Variants in KIF26A observed in about 807,000 individuals in gnomAD.
KIF26A encodes the protein kinesin family member 26A.
A neutral mutation model predicts 126.0 loss-of-function variants in KIF26A; 74 were observed. That is an observed-to-expected ratio of 0.59 (90% CI 0.49 to 0.71). The LOEUF (loss-of-function observed/expected upper bound fraction) is 0.71. KIF26A is among the 30% of genes least tolerant of loss of function. KIF26A has a pLI of 0.00. For missense variants in KIF26A, 2,984 were observed against 2,763.3 expected (o/e 1.08, Z -1.79); for synonymous variants, 1,445 against 1,232.7 (o/e 1.17, Z -3.61).
chr14:104,141,040 A>ATCCTGGGGCCTTACGGGTGTCATTG (rs2037632954), intron 2 of KIF26A, among the ~76,000 whole-genome samples: 1 of 152,156 alleles, frequency 6.6e-6, no homozygotes, highest in African/African-American at 2.4e-5. Flanking sequence ...TGCACCTGCC[A>ATCCTGGGGCCTTACGGGTGTCATTG]TCCTGGGGCC....
chr14:104,178,406 G>T (rs2038059884), intron 12 of KIF26A, 144 bp from the exon 13 acceptor site: 10 of 619,032 alleles, frequency 1.6e-5, no homozygotes, highest in Non-Finnish European at 2.6e-5. Context: ...CCTGCCCTGG[G>T]CAGAGCGCCA....
At chr14:104,154,802 C>T (rs896416079) in intron 3 of KIF26A, among the ~76,000 whole-genome samples, 5 of 152,196 alleles carry the variant, frequency 3.3e-5, no homozygotes, top group Non-Finnish European at 7.4e-5. Flanking sequence ...CACAGAGGGG[C>T]GGCCCGGTGG....
Position 104,177,195 on chromosome 14 carries a change from C to T in KIF26A, c.4407C>T (p.Pro1469=), listed in dbSNP as rs756949961. 3 of 1,596,170 alleles carry T rather than the reference C, an allele frequency of 1.9e-6. No individual in the cohort carries two copies. Among genetic ancestry groups the T allele is most frequent in the South Asian group, 2.2e-5 (2 of 90,580 alleles). ...CTGTACCCAAGCTGGGTGTGCCACCCTCCAGCCCCACACACGGTCCAGCTC... is the reference window on the plus strand; with the variant it reads ...CTGTACCCAAGCTGGGTGTGCCACCTTCCAGCCCCACACACGGTCCAGCTC... ...PRAVPKLGVP[P]SSPTHGPAPA... is the part of the protein sequence containing the mutation. The change falls in exon 12 of 15, where the codon CCC becomes CCT. Residue 1469 remains proline, a synonymous_variant. Transcript: ENST00000423312.
In KIF26A at chr14:104,157,807, C is replaced by T. The variant is rs1309227223; in HGVS notation, c.788C>T (p.Pro263Leu). 1 of 1,609,972 alleles carries T rather than the reference C, an allele frequency of 6.2e-7. No individual in the cohort carries two copies. The part of the protein sequence containing the change: ...VAVADTVREC[P>L]PVAGPDGLSK... The stretch of plus-strand genomic sequence containing the variant: ...GTGGCAGACACGGTCCGAGAATGCC[C>T]CCCCGTGGCCGGCCCTGATGGCTTG... The change falls in exon 4 of 15, where the codon CCC (proline) becomes CTC (leucine). Residue 263 changes from proline to leucine, a missense_variant. Coordinates refer to ENST00000423312, the MANE Select transcript of KIF26A (RefSeq NM_015656.2).
rs889207201 is a variant in KIF26A at position 104,173,718 on chromosome 14, G to A, written c.1880G>A (p.Arg627His). The A allele has an allele frequency of 1.2e-5, 19 of 1,610,570 alleles. No homozygotes were observed. Among genetic ancestry groups the A allele is most frequent in the South Asian group, 5.5e-5 (5 of 90,932 alleles). The stretch of plus-strand genomic sequence containing the variant: ...CTTGTGGTTCCAGTGTCCGGAGGCC[G>A]CAGCCGCCTGCACCTCATCGACCTG... ...KCGRGGMSGG[R>H]SRLHLIDLGS... The change falls in exon 10 of 15, where the codon CGC (arginine) becomes CAC (histidine). Residue 627 changes from arginine to histidine, a missense_variant. Coordinates refer to ENST00000423312, the MANE Select transcript of KIF26A (RefSeq NM_015656.2).
intron 3 of KIF26A, among the ~76,000 whole-genome samples, chr14:104,154,521 C>T (rs1440762143): frequency 2.6e-5 from 4 of 152,186 alleles, no homozygotes; most frequent in African/African-American, 4.8e-5. Flanking sequence ...CGGTTCTTCC[C>T]GGACTGTTGG....
In KIF26A at chr14:104,175,025, G is replaced by C. The variant is rs2038001060; in HGVS notation, c.2237G>C (p.Gly746Ala). ...SSGGESSCEE[G>A]RARRPPHLRP... ...GGCGGGGAGAGCTCCTGTGAGGAAG[G>C]CCGGGCCCGTCGGCCCCCGCACCTG... The change falls in exon 12 of 15, where the codon GGC (glycine) becomes GCC (alanine). Residue 746 changes from glycine to alanine, a missense_variant. Transcript: ENST00000423312. 1 of 1,559,042 alleles carries C rather than the reference G, an allele frequency of 6.4e-7. No homozygotes were observed. The highest frequency in any genetic ancestry group is 1.2e-5 in the South Asian group (1 of 85,624).
At position 104,175,212 on chromosome 14, in the gene KIF26A, C is replaced by T. The variant is rs367843200; in HGVS notation, c.2424C>T (p.Asn808=). ...AALSDRELTD[N]EGPPDFVPII... Reference sequence around the variant, plus strand: ...TGTCAGACCGGGAGCTCACCGACAACGAAGGTCCGCCTGACTTCGTGCCCA... The same window carrying T: ...TGTCAGACCGGGAGCTCACCGACAATGAAGGTCCGCCTGACTTCGTGCCCA... Residue 808 remains asparagine (N), a synonymous_variant, in exon 12 of 15, where the codon AAC becomes AAT. Transcript: ENST00000423312. 144 of 1,609,730 alleles carry T rather than the reference C, an allele frequency of 8.9e-5. No homozygotes were observed. The highest frequency in any genetic ancestry group is 1.1e-4 in the African/African-American group (8 of 74,918).
rs772059083 is a variant in KIF26A, at chr14:104,172,604, C to T, written c.1356C>T (p.Asp452=). 4.3e-6 allele frequency: 7 copies of T among 1,613,032 alleles called. No individual in the cohort carries two copies. Among genetic ancestry groups the T allele is most frequent in the Admixed American group, 3.3e-5 (2 of 59,992 alleles). ...QAEVCSGTVA[D]VLQSVVSGAD... ...AAGTCTGCTCGGGGACCGTGGCCGA[C>T]GTGCTCCAGTCGGTGGTCAGTGGGG... Residue 452 remains aspartate, a synonymous_variant, in exon 7 of 15, where the codon GAC becomes GAT. Transcript: ENST00000423312.
chr14:104,141,597 G>C (rs1327957582), intron 2 of KIF26A, among the ~76,000 whole-genome samples: 6 of 151,424 alleles, frequency 4.0e-5, no homozygotes, highest in African/African-American at 1.5e-4. Flanking sequence ...AGAGGGTCGG[G>C]GCCCAGCCTG....
Position 104,175,710 on chromosome 14 carries a change from T to G in KIF26A, c.2922T>G (p.Asp974Glu), listed in dbSNP as rs1310684686. The part of the protein sequence containing the change: ...APEEPGGGGT[D>E]GVARTPPVGM... ...AAGAGCCTGGGGGAGGGGGCACTGATGGAGTGGCACGGACCCCTCCCGTGG... is the reference window on the plus strand; with the variant it reads ...AAGAGCCTGGGGGAGGGGGCACTGAGGGAGTGGCACGGACCCCTCCCGTGG... Residue 974 changes from aspartate (D) to glutamate (E), a missense_variant, in exon 12 of 15, where the codon GAT becomes GAG. Transcript: ENST00000423312. The G allele has an allele frequency of 6.3e-7, 1 of 1,593,234 alleles. No individual in the cohort carries two copies.
rs202037380 is a variant in KIF26A, at chr14:104,166,913, G to T, written c.978G>T (p.Pro326=). ...ASKRKKPHPP[P]PPATRGTSTY... ...AGAGGAAGAAGCCCCACCCGCCACC[G>T]CCTCCAGCCACCCGCGGCACCTCCA... Residue 326 remains proline (P), a synonymous_variant, in exon 5 of 15, where the codon CCG becomes CCT. Coordinates refer to ENST00000423312, the MANE Select transcript of KIF26A (RefSeq NM_015656.2). 1.3e-6 allele frequency: 2 copies of T among 1,593,088 alleles called. No homozygotes were observed. The highest frequency in any genetic ancestry group is 1.1e-5 in the South Asian group (1 of 87,618).
intron 3 of KIF26A, among the ~76,000 whole-genome samples, chr14:104,155,416 C>T (rs533194640): frequency 1.4e-4 from 21 of 152,300 alleles, no homozygotes; most frequent in South Asian, 1.2e-3. Flanking sequence ...GGGTGGGTCC[C>T]GTGCGGCTAT....
rs1049667944 is a variant in KIF26A at position 104,148,455 on chromosome 14, T to G, written c.289-3560T>G. Among the ~76,000 whole-genome samples, 3 of 152,160 alleles carry G rather than the reference T, an allele frequency of 2.0e-5. No homozygotes were observed. The highest frequency in any genetic ancestry group is 4.4e-5 in the Non-Finnish European group (3 of 68,044). On this transcript the variant is annotated intron_variant, in intron 2 of 14. Transcript: ENST00000423312. This position sits in a 1 kb window ranked among gnomAD's most constrained non-coding sequence, Gnocchi z 4.3. ...AGGCCTGGGTGACAGGCGGGCCTGC[T>G]GGCTGGGGCTTTGAGGAGTTCAGAT...
chr14:104,172,239 G>T (rs1224461951), intron 6 of KIF26A, among the ~76,000 whole-genome samples: 1 of 152,238 alleles, frequency 6.6e-6, no homozygotes, highest in African/African-American at 2.4e-5. Flanking sequence ...GGGGGCGCCC[G>T]GTGCTCCCTG....
intron 2 of KIF26A, among the ~76,000 whole-genome samples, chr14:104,149,244 C>G (rs1248706142): frequency 6.6e-6 from 1 of 152,200 alleles, no homozygotes; most frequent in African/African-American, 2.4e-5. Context: ...CAGTGCCCCC[C>G]ATGGAGCCTG....
intron 2 of KIF26A, among the ~76,000 whole-genome samples, chr14:104,140,566 C>T (rs2037628356): frequency 1.3e-5 from 2 of 152,182 alleles, no homozygotes; most frequent in South Asian, 4.1e-4. Flanking sequence ...TGCTGCCTGG[C>T]CCTGGGGCCA....
intron 3 of KIF26A, among the ~76,000 whole-genome samples, chr14:104,155,425 A>G (rs2036728904): frequency 6.6e-6 from 1 of 151,950 alleles, no homozygotes; most frequent in African/African-American, 2.4e-5. Context: ...CCGTGCGGCT[A>G]TGCTTGGGGC....
At chr14:104,178,473 T>TCCGCAGCGTCC (rs2038061139) in intron 12 of KIF26A, 77 bp from the exon 13 acceptor site, 4 of 1,136,354 alleles carry the variant, frequency 3.5e-6, no homozygotes, top group East Asian at 5.9e-5. Flanking sequence ...TCGGGCCGGC[T>TCCGCAGCGTCC]CCGCAGCGTC....
Sources: allele counts gnomAD v4.1 joint callset (sites outside exome capture counted in the v4.1 genomes callset), GRCh38; gene constraint gnomAD v4.1.1; non-coding constraint Gnocchi (gnomAD v3.1); transcripts MANE v1.5; gene names NCBI Gene and HGNC (gene_info 2026-07-23, HGNC 2026-07-21).